The following SAMMSON variants were observed in gnomAD, a reference collection of about 807,000 sequenced individuals.
The protein encoded by SAMMSON is long intergenic non-protein coding RNA 1212.
Position 70,082,387 on chromosome 3 carries a change from G to A in SAMMSON, n.507+10822G>A, listed in dbSNP as rs574455721. ...AGGAGCTAACCTAGGCCAGGGGTTC[G>A]GGGCAGTGTGTGTGAGTGTCTCTGC... On this transcript the variant is annotated intron_variant and non_coding_transcript_variant, in intron 4 of 9. Coordinates refer to ENST00000642114, the Ensembl canonical transcript of SAMMSON. 3.9e-5 allele frequency among the ~76,000 whole-genome samples: 6 copies of A among 152,308 alleles called. No homozygotes were observed. The East Asian group carries it at 7.7e-4, about 20-fold the overall frequency.
intron 9 of SAMMSON, among the ~76,000 whole-genome samples, chr3:70,372,442 G>C (rs974706410): frequency 2.0e-5 from 3 of 152,034 alleles, no homozygotes; most frequent in African/African-American, 7.2e-5. Flanking sequence ...CTCCTGAGTA[G>C]CAGGGATTAC....
intron 4 of SAMMSON, among the ~76,000 whole-genome samples, chr3:70,099,549 G>T (rs927401656): frequency 1.3e-5 from 2 of 152,002 alleles, no homozygotes; most frequent in South Asian, 2.1e-4. Flanking sequence ...TCAACTGGAT[G>T]GTCTTTTTAT....
chr3:70,262,311 G>A (rs947008756), intron 6 of SAMMSON, among the ~76,000 whole-genome samples: 11 of 152,134 alleles, frequency 7.2e-5, no homozygotes, highest in Admixed American at 4.6e-4. Flanking sequence ...AGGAGCCAAC[G>A]CAAAATAGAA....
intron 6 of SAMMSON, among the ~76,000 whole-genome samples, chr3:70,252,794 A>G (rs886258426): frequency 6.6e-6 from 1 of 152,158 alleles, no homozygotes; most frequent in African/African-American, 2.4e-5. Context: ...AAAATCAAAA[A>G]GAAGGCCAGG....
intron 4 of SAMMSON, among the ~76,000 whole-genome samples, chr3:70,095,527 C>T (rs538805620): frequency 1.3e-5 from 2 of 152,174 alleles, no homozygotes; most frequent in Non-Finnish European, 2.9e-5. Context: ...TAGGACTCGT[C>T]GTGTTATATA....
chr3:70,323,197 T>C (rs543665469), intron 7 of SAMMSON, among the ~76,000 whole-genome samples: 40 of 152,154 alleles, frequency 2.6e-4, no homozygotes, highest in Non-Finnish European at 4.7e-4. Context: ...AGCTGTCCTT[T>C]CTCTCATTAA....
chr3:70,373,833 A>G (rs1312041926), intron 9 of SAMMSON, among the ~76,000 whole-genome samples: 2 of 152,132 alleles, frequency 1.3e-5, no homozygotes, highest in Admixed American at 6.6e-5. Context: ...CTTTCTCTGT[A>G]GAAAGATATC....
At chr3:70,273,163 C>T (rs1051372907) in intron 6 of SAMMSON, among the ~76,000 whole-genome samples, 3 of 152,114 alleles carry the variant, frequency 2.0e-5, no homozygotes, top group African/African-American at 7.2e-5. Flanking sequence ...AGATTCATCC[C>T]GGTGATCACT....
At chr3:70,106,288 T>C (rs959015270) in intron 4 of SAMMSON, among the ~76,000 whole-genome samples, 1 of 151,920 alleles carries the variant, frequency 6.6e-6, no homozygotes, top group African/African-American at 2.4e-5. Context: ...TTGTGTGTAT[T>C]TGTTAAAATG....
At chr3:70,037,436 C>T (rs2067090024) in intron 3 of SAMMSON, among the ~76,000 whole-genome samples, 1 of 152,086 alleles carries the variant, frequency 6.6e-6, no homozygotes, top group African/African-American at 2.4e-5. Flanking sequence ...CCTCCTCCGC[C>T]CCGACTACTT....
intron 6 of SAMMSON, among the ~76,000 whole-genome samples, chr3:70,259,416 TA>T (rs202194435): frequency 1.3e-3 from 186 of 143,808 alleles, no homozygotes; most frequent in Admixed American, 1.7e-3. Flanking sequence ...TATTGACTTT[TA>T]AAAAAAAAAA....
At chr3:70,427,558 T>C (rs1201062623) in intron 2 of SAMMSON, among the ~76,000 whole-genome samples, 1 of 151,930 alleles carries the variant, frequency 6.6e-6, no homozygotes, top group Non-Finnish European at 1.5e-5. Flanking sequence ...GCTGACACGG[T>C]GAAACCCCGT....
intron 2 of SAMMSON, among the ~76,000 whole-genome samples, chr3:70,409,115 G>A (rs1435295878): frequency 3.3e-5 from 5 of 152,108 alleles, no homozygotes. Flanking sequence ...CGTAACACAT[G>A]GGAATTATAG....
intron 4 of SAMMSON, chr3:70,183,549 T>G (rs1018152361): frequency 1.3e-5 from 2 of 152,256 alleles, no homozygotes; most frequent in Non-Finnish European, 2.9e-5. Context: ...TTGTTGAATA[T>G]GCAACTGGTC....
At chr3:70,399,981 T>C (rs1701126880) in intron 2 of SAMMSON, among the ~76,000 whole-genome samples, 1 of 149,024 alleles carries the variant, frequency 6.7e-6, no homozygotes, top group Non-Finnish European at 1.5e-5. Flanking sequence ...ATGGGGTAGA[T>C]TTTTTTAAGT....
At chr3:70,366,492 G>GTTTTTTTTTTTTTTTTTTTTTTATTTTT in intron 9 of SAMMSON, among the ~76,000 whole-genome samples, 1 of 100,758 alleles carries the variant, frequency 9.9e-6, no homozygotes, top group Non-Finnish European at 2.1e-5. Context: ...GTGTTTTTAT[G>GTTTTTTTTTTTTTTTTTTTTTTATTTTT]TTTTTTTTTT....
intron 9 of SAMMSON, among the ~76,000 whole-genome samples, chr3:70,363,235 C>T (rs1475680583): frequency 6.6e-6 from 1 of 151,912 alleles, no homozygotes; most frequent in Non-Finnish European, 1.5e-5. Context: ...ACTGAATGGG[C>T]AAAAATTGAA....
chr3:70,205,784 C>G (rs1346062743), intron 4 of SAMMSON: 1 of 151,966 alleles, frequency 6.6e-6, no homozygotes, highest in Non-Finnish European at 1.5e-5. Context: ...GACCAGAAAC[C>G]ATACCTTGTT....
rs187022829 is a variant in SAMMSON, at chr3:70,162,620, G to A, written n.508-86487G>A. 4.3e-3 allele frequency among the ~76,000 whole-genome samples: 657 copies of A among 151,926 alleles called. 6 individuals carry two copies. The highest frequency in any genetic ancestry group is 0.01 in the Middle Eastern group (3 of 294). ...AATATGTATTCTGCTGTTTTTGGGTGGAATGCTCTCTAGATGTATGATAGA... is the reference window on the plus strand; with the variant it reads ...AATATGTATTCTGCTGTTTTTGGGTAGAATGCTCTCTAGATGTATGATAGA... On this transcript the variant is annotated intron_variant and non_coding_transcript_variant, in intron 4 of 9. Transcript: ENST00000642114.
Sources: gnomAD v4.1 joint callset for allele counts (sites outside exome capture counted in the v4.1 genomes callset) on GRCh38, gnomAD v4.1.1 for gene constraint, MANE v1.5 for transcripts, NCBI Gene and HGNC (gene_info 2026-07-23, HGNC 2026-07-21) for gene names.